Variants in PPP2R3C observed in about 807,000 individuals in gnomAD.
PPP2R3C encodes the protein protein phosphatase 2 regulatory subunit B''gamma, also known as serine/threonine-protein phosphatase 2A regulatory subunit B'' subunit gamma.
PPP2R3C carries 47 observed loss-of-function variants against 63.7 expected under a neutral mutation model. That is an observed-to-expected ratio of 0.74 (90% CI 0.58 to 0.94). The LOEUF is 0.94. PPP2R3C is among the 40% of genes least tolerant of loss of function. PPP2R3C has a pLI of 0.00. For missense variants in PPP2R3C, 421 were observed against 518.4 expected (o/e 0.81, Z 1.82); for synonymous variants, 180 against 177.4 (o/e 1.01, Z -0.12).
At chr14:35,088,871 G>A (rs113596383) in intron 11 of PPP2R3C, among the ~76,000 whole-genome samples, 3 of 152,098 alleles carry the variant, frequency 2.0e-5, no homozygotes, top group African/African-American at 7.2e-5. Flanking sequence ...TTGACAAAAT[G>A]CCTATATGAA....
intron 4 of PPP2R3C, among the ~76,000 whole-genome samples, chr14:35,108,929 TTC>T (rs1216011111): frequency 6.6e-6 from 1 of 152,046 alleles, no homozygotes; most frequent in Non-Finnish European, 1.5e-5. Flanking sequence ...AATGTTTGCA[TTC>T]TTTTTTTTTT....
At chr14:35,120,656 A>G (rs1043289610) in intron 1 of PPP2R3C, among the ~76,000 whole-genome samples, 6 of 152,104 alleles carry the variant, frequency 3.9e-5, no homozygotes, top group Admixed American at 3.9e-4. Context: ...AATAGTGTAA[A>G]AGAGTGTTGC....
Position 35,108,193 on chromosome 14 carries a change from CT to C in PPP2R3C, c.447del (p.Asp150IlefsTer16). The C allele has an allele frequency of 1.2e-6, 2 of 1,601,214 alleles. No individual in the cohort carries two copies. The highest frequency in any genetic ancestry group is 1.7e-6 in the Non-Finnish European group (2 of 1,176,630). On this transcript the variant is annotated frameshift_variant, in exon 5 of 13. Coordinates refer to ENST00000261475, the MANE Select transcript of PPP2R3C (RefSeq NM_017917.4). LOFTEE classifies it high-confidence loss of function. ...ATGATGGAAATTCTTCCATATGAATCTGTATGAAGGAGTTTAGCAAAGACTT... is the reference window on the plus strand; with the variant it reads ...ATGATGGAAATTCTTCCATATGAATCGTATGAAGGAGTTTAGCAAAGACTT... ...TAKVFAKLLH[T>X]DSYGRISIMQ...
intron 4 of PPP2R3C, 40 bp downstream of exon 4, chr14:35,109,779 T>C: frequency 5.4e-6 from 8 of 1,477,372 alleles, no homozygotes; most frequent in Non-Finnish European, 7.5e-6. Flanking sequence ...TTTAAAATGC[T>C]TAACATAACA....
chr14:35,095,217 C>T (rs778334873), intron 9 of PPP2R3C, 33 bp from the exon 10 acceptor site: 8 of 1,585,256 alleles, frequency 5.0e-6, no homozygotes, highest in Non-Finnish European at 6.9e-6. Context: ...ACACTTATGA[C>T]CACAATAAAA....
intron 6 of PPP2R3C, among the ~76,000 whole-genome samples, chr14:35,105,114 C>T (rs1036761015): frequency 6.6e-6 from 1 of 151,314 alleles, no homozygotes; most frequent in Admixed American, 6.6e-5. Flanking sequence ...ATTAATATCA[C>T]TCATGAATAA....
At chr14:35,095,562 G>A (rs1011959381) in intron 9 of PPP2R3C, among the ~76,000 whole-genome samples, 9 of 151,970 alleles carry the variant, frequency 5.9e-5, no homozygotes, top group Non-Finnish European at 1.2e-4. Context: ...AAAGGAGGTC[G>A]GGCGTGGTGG....
chr14:35,122,046 C>T, upstream of PPP2R3C: 7 of 1,498,158 alleles, frequency 4.7e-6, no homozygotes, highest in Non-Finnish European at 4.6e-6. Flanking sequence ...CGCCAGGCCC[C>T]GTAAAGGTTA....
chr14:35,089,925 A>G, intron 11 of PPP2R3C, among the ~76,000 whole-genome samples: 1 of 152,092 alleles, frequency 6.6e-6, no homozygotes, highest in Non-Finnish European at 1.5e-5. Context: ...CTGGCCTCCC[A>G]AAGTGCTGGG....
intron 6 of PPP2R3C, chr14:35,101,652 G>C (rs2046193681): frequency 6.6e-6 from 1 of 152,172 alleles, no homozygotes; most frequent in South Asian, 2.1e-4. Flanking sequence ...TTTGATAGGG[G>C]AAAAATGGCA....
chr14:35,115,160 T>C (rs1056075051), intron 2 of PPP2R3C, among the ~76,000 whole-genome samples: 52 of 149,982 alleles, frequency 3.5e-4, no homozygotes, highest in Admixed American at 6.0e-4. Flanking sequence ...TTTTTTTTTT[T>C]CTTTTTCTTT....
Position 35,110,611 on chromosome 14 carries a change from C to T in PPP2R3C, c.205G>A (p.Val69Ile). The change falls in exon 3 of 13, where the codon GTC becomes ATC. Residue 69 changes from valine to isoleucine, a missense_variant. This residue lies in a region of PPP2R3C where 143 missense variants were observed against 151.2 expected (regional missense o/e 0.95). Coordinates refer to ENST00000261475, the MANE Select transcript of PPP2R3C (RefSeq NM_017917.4). The part of the protein sequence containing the change: ...FYYRLPAEDE[V>I]LLQKLREESR... ...TCCTCTCTTAATTTCTGTAGTAAGA[C>T]TTCATCTTCAGCAGGCAGCTGAAAA... The T allele has an allele frequency of 6.2e-7, 1 of 1,610,268 alleles. No homozygotes were observed. Among genetic ancestry groups the T allele is most frequent in the East Asian group, 2.2e-5 (1 of 44,846 alleles).
At chr14:35,122,242 A>C, upstream of PPP2R3C, 1 of 445,962 alleles carries the variant, frequency 2.2e-6, no homozygotes, top group Non-Finnish European at 4.2e-6. Flanking sequence ...TTTAAAGGCC[A>C]CGATAAGCCC....
At chr14:35,093,175 T>C (rs1232086726) in intron 10 of PPP2R3C, among the ~76,000 whole-genome samples, 1 of 151,816 alleles carries the variant, frequency 6.6e-6, no homozygotes, top group Non-Finnish European at 1.5e-5. Flanking sequence ...ATCGCGCCAC[T>C]GCACTCCAGC....
At chr14:35,093,739 C>T (rs539756664) in intron 10 of PPP2R3C, among the ~76,000 whole-genome samples, 3 of 151,884 alleles carry the variant, frequency 2.0e-5, no homozygotes, top group African/African-American at 4.8e-5. Context: ...CTCCGCCTCC[C>T]GGGTTCACAC....
At chr14:35,109,784 A>G (rs72664814) in intron 4 of PPP2R3C, 35 bp downstream of exon 4, 117,528 of 1,492,658 alleles carry the variant, frequency 0.079, 5,671 homozygotes, top group African/African-American at 0.19. Context: ...AATGCTTAAC[A>G]TAACACATTC....
rs181642295 is a variant in PPP2R3C, at chr14:35,113,197, G to A, written c.187-2568C>T. 1.2e-3 allele frequency: 186 copies of A among 153,278 alleles called. 1 individual carries two copies. Among genetic ancestry groups the A allele is most frequent in the Non-Finnish European group, 2.2e-3 (152 of 68,690 alleles). 9.5% of individuals were successfully genotyped at this position (153,278 alleles called of 1,614,324 possible). On this transcript the variant is annotated intron_variant, in intron 2 of 12. Coordinates refer to ENST00000261475, the MANE Select transcript of PPP2R3C (RefSeq NM_017917.4). Reference sequence around the variant, plus strand: ...GATGGGGATGGGGCTGGAGTTGGGGGTGACTGACATTGTGTTCTAGTGGCT... The same window carrying A: ...GATGGGGATGGGGCTGGAGTTGGGGATGACTGACATTGTGTTCTAGTGGCT...
Position 35,094,901 on chromosome 14 carries a change from C to T in PPP2R3C, c.975+147G>A, listed in dbSNP as rs924153820. ...CCTAGGAAGTGGAGGTTGCATTGAG[C>T]GGAGATCACACCACTGCACTCTAGC... On this transcript the variant is annotated intron_variant, in intron 10 of 12. Transcript: ENST00000261475. The T allele has an allele frequency of 3.6e-5, 28 of 779,642 alleles. 1 individual carries two copies. Among genetic ancestry groups the T allele is most frequent in the African/African-American group, 2.5e-4 (14 of 56,804 alleles). 48.3% of individuals were successfully genotyped at this position (779,642 alleles called of 1,614,324 possible). A position where few individuals can be genotyped will look rare whatever the true frequency, so the allele number is the denominator to read the frequency against.
At chr14:35,087,890 T>G in intron 12 of PPP2R3C, 61 bp downstream of exon 12, 1 of 1,296,202 alleles carries the variant, frequency 7.7e-7, no homozygotes, top group Admixed American at 1.8e-5. Flanking sequence ...TAAAATTTCA[T>G]GTAATACAAA....
Sources: allele counts gnomAD v4.1 joint callset (sites outside exome capture counted in the v4.1 genomes callset), GRCh38; gene constraint gnomAD v4.1.1; regional missense constraint gnomAD v4.1.1; transcripts MANE v1.5; gene names NCBI Gene and HGNC (gene_info 2026-07-23, HGNC 2026-07-21).